Variants in SCMH1 observed in about 807,000 individuals in gnomAD.
SCMH1 encodes polycomb protein SCMH1.
Under a neutral mutation model 70.8 loss-of-function variants are expected in SCMH1, and 37 were observed. The observed-to-expected ratio is 0.52, with a 90% CI of 0.40 to 0.69. SCMH1 has a LOEUF of 0.69. Ranked by LOEUF, SCMH1 falls within the 30% of genes least tolerant of loss-of-function variation. The pLI is 0.00. For missense variants in SCMH1, 607 were observed against 827.3 expected, an observed-to-expected ratio of 0.73 and a Z score of 3.27; for synonymous variants, 292 against 307.4, an observed-to-expected ratio of 0.95 and a Z score of 0.52.
intron 8 of SCMH1, among the ~76,000 whole-genome samples, chr1:41,078,551 A>T (rs951113817): frequency 2.0e-5 from 3 of 152,178 alleles, no homozygotes; most frequent in Non-Finnish European, 4.4e-5. Context: ...AGTCAGAGAG[A>T]AAAACAGCAT....
intron 8 of SCMH1, among the ~76,000 whole-genome samples, chr1:41,100,448 G>C (rs990293476): frequency 6.6e-6 from 1 of 152,014 alleles, no homozygotes; most frequent in Non-Finnish European, 1.5e-5. Flanking sequence ...CTTGCGCTGA[G>C]ACTAGACAAG....
intron 1 of SCMH1, among the ~76,000 whole-genome samples, chr1:41,210,254 A>G (rs1185726561): frequency 7.0e-6 from 1 of 142,582 alleles, no homozygotes; most frequent in Admixed American, 7.6e-5. Flanking sequence ...GGATAGGAAG[A>G]ATCAATATCG....
intron 13 of SCMH1, among the ~76,000 whole-genome samples, chr1:41,032,501 G>A (rs1239713975): frequency 6.6e-6 from 1 of 152,212 alleles, no homozygotes; most frequent in African/African-American, 2.4e-5. Context: ...TGTTGAGGAA[G>A]AGGAGGGAAG....
intron 10 of SCMH1, among the ~76,000 whole-genome samples, chr1:41,050,225 C>T (rs1647582514): frequency 6.6e-6 from 1 of 152,154 alleles, no homozygotes; most frequent in Non-Finnish European, 1.5e-5. Context: ...CCCACAGCAA[C>T]CTGGTCAGCA....
chr1:41,028,084 T>C (rs1643988294), exon 15 of SCMH1: 2 of 1,381,714 alleles, frequency 1.4e-6, no homozygotes, highest in South Asian at 1.3e-5. Context: ...CTTGGAGTCC[T>C]GAGGTGGCCC....
At chr1:41,204,146 C>T (rs531741842) in intron 1 of SCMH1, among the ~76,000 whole-genome samples, 57 of 152,286 alleles carry the variant, frequency 3.7e-4, no homozygotes, top group African/African-American at 1.1e-3. Context: ...CAAGGTTACA[C>T]AGTTGGTACA....
At chr1:41,057,154 G>A (rs946648179) in intron 10 of SCMH1, among the ~76,000 whole-genome samples, 1 of 152,152 alleles carries the variant, frequency 6.6e-6, no homozygotes, top group Non-Finnish European at 1.5e-5. Flanking sequence ...ACAGCCCAGG[G>A]GCAAAGGCTC....
rs747653621 is a variant in SCMH1, at chr1:41,028,324, G to A, written c.1822-5C>T. The A allele has an allele frequency of 1.9e-6, 3 of 1,613,758 alleles. No homozygotes were observed. The East Asian group carries it at 6.7e-5, about 36-fold the overall frequency. On this transcript the variant is annotated splice_polypyrimidine_tract_variant and splice_region_variant and intron_variant, in intron 14 of 14. Coordinates refer to ENST00000337495, the Ensembl canonical transcript of SCMH1. The stretch of plus-strand genomic sequence containing the variant: ...CAGGGCCTTGCCATCGATCTCCTGG[G>A]GGGTGGGGAGGTGGGCAGAAGTGGA...
chr1:41,072,825 C>T (rs1191636297), intron 9 of SCMH1, among the ~76,000 whole-genome samples: 1 of 152,110 alleles, frequency 6.6e-6, no homozygotes, highest in Non-Finnish European at 1.5e-5. Flanking sequence ...ATGATTGTGC[C>T]ACTGCACTCA....
chr1:41,201,722 G>A (rs1009940460), intron 1 of SCMH1, among the ~76,000 whole-genome samples: 4 of 152,144 alleles, frequency 2.6e-5, no homozygotes, highest in African/African-American at 9.7e-5. Context: ...CTTCTCTAGC[G>A]AAGTGACTTA....
chr1:41,037,561 GA>G lies in SCMH1; in HGVS notation c.1499-21del. ...TTTCACCTGAAAAACAGTAAAACCA[GA>G]GTTAGAGCTTAGAAGGACTGCCAGA... On this transcript the variant is annotated intron_variant, in intron 12 of 14. Coordinates refer to ENST00000337495, the Ensembl canonical transcript of SCMH1. 2 of 1,610,230 alleles carry G rather than the reference GA, an allele frequency of 1.2e-6. No individual in the cohort carries two copies. The highest frequency in any genetic ancestry group is 1.7e-6 in the Non-Finnish European group (2 of 1,177,318).
At chr1:41,210,531 CA>C in intron 1 of SCMH1, among the ~76,000 whole-genome samples, 1 of 152,242 alleles carries the variant, frequency 6.6e-6, no homozygotes, top group East Asian at 1.9e-4. Context: ...TGGAACAGAA[CA>C]GAGGCCTCAG....
intron 1 of SCMH1, among the ~76,000 whole-genome samples, chr1:41,225,618 G>A (rs1255529627): frequency 1.3e-5 from 2 of 152,156 alleles, no homozygotes; most frequent in Non-Finnish European, 2.9e-5. Context: ...TCACATAGGA[G>A]GTGACTTTTC....
At chr1:41,074,865 C>A (rs1482517270) in intron 9 of SCMH1, among the ~76,000 whole-genome samples, 1 of 152,144 alleles carries the variant, frequency 6.6e-6, no homozygotes, top group Non-Finnish European at 1.5e-5. Context: ...CCGCCCCCAA[C>A]CCTGCCTTTT....
At chr1:41,081,680 C>A (rs1430626670) in intron 8 of SCMH1, among the ~76,000 whole-genome samples, 2 of 151,876 alleles carry the variant, frequency 1.3e-5, no homozygotes, top group Non-Finnish European at 2.9e-5. Context: ...ATTAGCTGGG[C>A]ATGGTGGTGC....
chr1:41,056,721 G>GT (rs1650440578), intron 10 of SCMH1, among the ~76,000 whole-genome samples: 1 of 152,228 alleles, frequency 6.6e-6, no homozygotes, highest in Admixed American at 6.5e-5. Flanking sequence ...AACCTAAACT[G>GT]TACTTGATGA....
intron 1 of SCMH1, among the ~76,000 whole-genome samples, chr1:41,238,005 T>A (rs1483403617): frequency 6.6e-6 from 1 of 152,234 alleles, no homozygotes; most frequent in Non-Finnish European, 1.5e-5. Flanking sequence ...TGTATATATT[T>A]TTTCATGTAA....
At chr1:41,177,087 T>C (rs1464712395) in intron 2 of SCMH1, among the ~76,000 whole-genome samples, 2 of 152,112 alleles carry the variant, frequency 1.3e-5, no homozygotes, top group Non-Finnish European at 2.9e-5. Flanking sequence ...TTCACCAATA[T>C]CCGCTGTTCT....
intron 2 of SCMH1, among the ~76,000 whole-genome samples, chr1:41,169,949 C>T (rs1412317590): frequency 6.6e-6 from 1 of 152,162 alleles, no homozygotes; most frequent in African/African-American, 2.4e-5. Flanking sequence ...ACAAACTCTT[C>T]CCAGGCTGGT....
Sources: gnomAD v4.1 joint callset for allele counts (sites outside exome capture counted in the v4.1 genomes callset) on GRCh38, gnomAD v4.1.1 for gene constraint, MANE v1.5 for transcripts, NCBI Gene and HGNC (gene_info 2026-07-23, HGNC 2026-07-21) for gene names.